The following ACTR3C variants were observed in gnomAD, a reference collection of about 807,000 sequenced individuals.
ACTR3C encodes the protein actin-related protein 3C.
ACTR3C carries 18 observed loss-of-function variants against 26.3 expected under a neutral mutation model. The ratio of observed to expected loss-of-function variants is 0.68; its 90% CI spans 0.47 to 1.01. ACTR3C has a LOEUF of 1.01. Ranked by LOEUF, ACTR3C falls within the 50% of genes least tolerant of loss-of-function variation. ACTR3C has a pLI of 0.00. For missense variants in ACTR3C, 184 were observed against 250.7 expected, an observed-to-expected ratio of 0.73 and a Z score of 1.80; for synonymous variants, 55 against 94.5, an observed-to-expected ratio of 0.58 and a Z score of 2.42.
chr7:150,140,186 T>C, the ACTR3C span, among the ~76,000 whole-genome samples: 69 of 152,368 alleles, frequency 4.5e-4, no homozygotes, highest in African/African-American at 1.5e-3. Flanking sequence ...CACTCACTCT[T>C]TCCAGCTTTC....
At chr7:150,299,678 C>T (rs1400082333) in intron 1 of ACTR3C, among the ~76,000 whole-genome samples, 2 of 151,828 alleles carry the variant, frequency 1.3e-5, no homozygotes, top group Non-Finnish European at 2.9e-5. Context: ...CCCAGCCAGT[C>T]GGGTGGCTGA....
chr7:150,027,227 A>G, the ACTR3C span, among the ~76,000 whole-genome samples: 1 of 152,140 alleles, frequency 6.6e-6, no homozygotes, highest in Non-Finnish European at 1.5e-5. Context: ...GGCACAGTCC[A>G]CAATTACCTG....
At chr7:150,009,713 G>A in the ACTR3C span, among the ~76,000 whole-genome samples, 7 of 152,316 alleles carry the variant, frequency 4.6e-5, no homozygotes, top group East Asian at 1.4e-3. Context: ...GATTAGGGAC[G>A]GACAGAGAGA....
chr7:149,924,278 G>T, the ACTR3C span, among the ~76,000 whole-genome samples: 3 of 150,378 alleles, frequency 2.0e-5, no homozygotes, highest in Non-Finnish European at 2.9e-5. Context: ...GAGAGGCTGA[G>T]GCAGGAGGAT....
intron 1 of ACTR3C, 142 bp from the exon 2 acceptor site, chr7:150,295,489 G>A (rs1836672146): frequency 4.0e-6 from 4 of 1,009,524 alleles, no homozygotes; most frequent in Non-Finnish European, 4.5e-6. Context: ...TGCCCAAAGT[G>A]TATTAAAGAA....
At chr7:150,134,719 T>A in the ACTR3C span, among the ~76,000 whole-genome samples, 1 of 152,302 alleles carries the variant, frequency 6.6e-6, no homozygotes, top group African/African-American at 2.4e-5. Context: ...CCACATCCCA[T>A]CTGTCACTAC....
chr7:150,004,684 T>C, the ACTR3C span: 1 of 152,242 alleles, frequency 6.6e-6, no homozygotes, highest in Non-Finnish European at 1.5e-5. Flanking sequence ...GACACACTGA[T>C]ATCACGTGCC....
the ACTR3C span, among the ~76,000 whole-genome samples, chr7:150,008,320 G>A: frequency 2.9e-3 from 442 of 152,284 alleles, 4 homozygotes; most frequent in African/African-American, 9.6e-3. Context: ...TGTGACTTCC[G>A]GGCTGGACGT....
At chr7:150,037,328 AG>A in the ACTR3C span, among the ~76,000 whole-genome samples, 1 of 45,896 alleles carries the variant, frequency 2.2e-5, no homozygotes, top group African/African-American at 6.9e-5. Context: ...CGGGGTCCTA[AG>A]CCGGGGGGGG....
the ACTR3C span, among the ~76,000 whole-genome samples, chr7:149,889,826 T>C: frequency 7.2e-5 from 11 of 152,104 alleles, no homozygotes; most frequent in South Asian, 1.5e-3. Flanking sequence ...CACAGAACTC[T>C]AACCTGGACA....
At chr7:150,093,911 A>C in the ACTR3C span, among the ~76,000 whole-genome samples, 1 of 150,864 alleles carries the variant, frequency 6.6e-6, no homozygotes, top group Admixed American at 6.6e-5. Flanking sequence ...TCCTGCGTGC[A>C]GATAGTCTTT....
At chr7:150,054,045 C>T in the ACTR3C span, among the ~76,000 whole-genome samples, 1 of 152,202 alleles carries the variant, frequency 6.6e-6, no homozygotes, top group African/African-American at 2.4e-5. Flanking sequence ...GACTGTGAAA[C>T]ATAAGGAGGG....
At chr7:150,036,232 G>C in the ACTR3C span, among the ~76,000 whole-genome samples, 63 of 146,920 alleles carry the variant, frequency 4.3e-4, 2 homozygotes, top group African/African-American at 1.4e-3. Context: ...ACAAAATGGG[G>C]GGCCTTTATG....
At chr7:150,094,645 T>C in the ACTR3C span, among the ~76,000 whole-genome samples, 2 of 150,428 alleles carry the variant, frequency 1.3e-5, no homozygotes, top group Admixed American at 6.6e-5. Flanking sequence ...CAGCTGCTCA[T>C]ATTCAATCCA....
chr7:150,248,931 GA>G lies in ACTR3C; in HGVS notation c.*38+16del, dbSNP rs1163095364. ...AAAAGTAGAGCCTAGAATTAAAAAT[GA>G]AAATCATGAGAATACCTCAAATAAA... On this transcript the variant is annotated intron_variant, in intron 7 of 7. Transcript: ENST00000683684. 5 of 508,186 alleles carry G rather than the reference GA, an allele frequency of 9.8e-6. No homozygotes were observed. The highest frequency in any genetic ancestry group is 1.8e-5 in the Non-Finnish European group (5 of 282,398). 31.5% of individuals were successfully genotyped at this position (508,186 alleles called of 1,614,324 possible). A position where few individuals can be genotyped will look rare whatever the true frequency, so the allele number is the denominator to read the frequency against.
At chr7:149,968,344 G>C in the ACTR3C span, among the ~76,000 whole-genome samples, 3 of 152,142 alleles carry the variant, frequency 2.0e-5, no homozygotes, top group Non-Finnish European at 4.4e-5. Flanking sequence ...AGGAGATCCA[G>C]ACCATGGTGA....
chr7:149,950,281 C>G, the ACTR3C span, among the ~76,000 whole-genome samples: 6 of 137,848 alleles, frequency 4.4e-5, 2 homozygotes, highest in Middle Eastern at 3.5e-3. Flanking sequence ...CAATTGCCCT[C>G]CAGTGTATTT....
the ACTR3C span, among the ~76,000 whole-genome samples, chr7:150,042,415 G>C: frequency 8.5e-5 from 12 of 140,956 alleles, no homozygotes; most frequent in Non-Finnish European, 1.2e-4. Context: ...CAGTCCCCGC[G>C]TCGCGAGGGG....
chr7:150,111,525 C>T, the ACTR3C span, among the ~76,000 whole-genome samples: 1 of 85,694 alleles, frequency 1.2e-5, no homozygotes, highest in Non-Finnish European at 2.3e-5. Flanking sequence ...CACACTTGCA[C>T]AGTCACGCAT....
Sources: gnomAD v4.1 joint callset for allele counts (sites outside exome capture counted in the v4.1 genomes callset) on GRCh38, gnomAD v4.1.1 for gene constraint, MANE v1.5 for transcripts, NCBI Gene and HGNC (gene_info 2026-07-23, HGNC 2026-07-21) for gene names.